Variants in ADD2 observed in about 807,000 individuals in gnomAD.
ADD2 encodes the protein beta-adducin.
Under a neutral mutation model 83.0 loss-of-function variants are expected in ADD2, and 23 were observed. The observed-to-expected ratio is 0.28, with a 90% CI of 0.20 to 0.39. The LOEUF (loss-of-function observed/expected upper bound fraction) is 0.39, where lower values mean the gene tolerates loss of function less well. Among genes scored for constraint, ADD2 ranks in the 10% least tolerant of loss-of-function variants. ADD2 has a pLI of 1.00. For missense variants in ADD2, 758 were observed against 944.9 expected, an observed-to-expected ratio of 0.80 and a Z score of 2.59; for synonymous variants, 375 against 375.4, an observed-to-expected ratio of 1.00 and a Z score of 0.01.
At chr2:70,764,098 T>G (rs981312244) in intron 1 of ADD2, among the ~76,000 whole-genome samples, 16 of 151,550 alleles carry the variant, frequency 1.1e-4, no homozygotes, top group African/African-American at 3.9e-4. Context: ...ATGTTGGTCA[T>G]GCTGGTCTCG....
In ADD2 at chr2:70,662,662, G is replaced by GT. The variant is rs1675583843; in HGVS notation, c.*762dup. Reference sequence around the variant, plus strand: ...TTTTCCTATGCTAAATTTGGTTTTAGTTTTGAAGTGCCTGAGATGCACAAT... The same window carrying GT: ...TTTTCCTATGCTAAATTTGGTTTTAGTTTTTGAAGTGCCTGAGATGCACAAT... On this transcript the variant is annotated 3_prime_UTR_variant, in exon 16 of 16. Coordinates refer to ENST00000264436, the MANE Select transcript of ADD2 (RefSeq NM_001617.4). 6.6e-6 allele frequency: 1 copy of GT among 152,170 alleles called. No homozygotes were observed. The allele number at this position is 152,170 out of a possible 1,614,324, so 9.4% of individuals were successfully genotyped here. A position where few individuals can be genotyped will look rare whatever the true frequency, so the allele number is the denominator to read the frequency against.
chr2:70,679,044 C>T (rs1670326476), intron 10 of ADD2, 83 bp from the exon 11 acceptor site: 2 of 1,468,594 alleles, frequency 1.4e-6, no homozygotes, highest in Non-Finnish European at 1.8e-6. Context: ...ACCTTTCCTT[C>T]CGTCTGCTTA....
At chr2:70,671,377 A>G (rs1669887432) in intron 15 of ADD2, among the ~76,000 whole-genome samples, 1 of 152,186 alleles carries the variant, frequency 6.6e-6, no homozygotes, top group African/African-American at 2.4e-5. Context: ...TCTCATGTAG[A>G]GAAGCCTAAT....
chr2:70,699,016 G>C (rs1440536956), intron 4 of ADD2, among the ~76,000 whole-genome samples: 2 of 152,036 alleles, frequency 1.3e-5, no homozygotes, highest in African/African-American at 4.8e-5. Context: ...CAGATATCCT[G>C]GATGTGTACC....
rs1671316621 is a variant in ADD2, at chr2:70,696,399, G to A, written c.323-3C>T. ...GATAGGCGTCATCATGGAGACATCT[G>A]CAGGGACAGTGCAGTTCTCTCAGGG... On this transcript the variant is annotated splice_region_variant and splice_polypyrimidine_tract_variant and intron_variant, in intron 4 of 15. Coordinates refer to ENST00000264436, the MANE Select transcript of ADD2 (RefSeq NM_001617.4). 6.2e-7 allele frequency: 1 copy of A among 1,614,020 alleles called. No individual in the cohort carries two copies. The highest frequency in any genetic ancestry group is 1.7e-5 in the Admixed American group (1 of 59,996).
intron 1 of ADD2, among the ~76,000 whole-genome samples, chr2:70,755,746 A>G (rs1553383712): frequency 6.6e-6 from 1 of 152,190 alleles, no homozygotes; most frequent in African/African-American, 2.4e-5. Flanking sequence ...GCTGCTATCC[A>G]GGTCAAATTT....
At chr2:70,675,070 A>C in intron 13 of ADD2, 1 of 1,253,648 alleles carries the variant, frequency 8.0e-7, no homozygotes, top group Non-Finnish European at 1.0e-6. Context: ...CCCTGAAATA[A>C]AATCAAAGGA....
At chr2:70,726,918 C>T (rs571887337) in intron 1 of ADD2, among the ~76,000 whole-genome samples, 7 of 152,314 alleles carry the variant, frequency 4.6e-5, no homozygotes, top group Non-Finnish European at 8.8e-5. Context: ...ACTGGATTCT[C>T]CCACTGCTGT....
intron 4 of ADD2, among the ~76,000 whole-genome samples, chr2:70,702,597 A>T (rs936151392): frequency 1.6e-4 from 25 of 152,196 alleles, no homozygotes; most frequent in African/African-American, 5.3e-4. Context: ...CAAAAGCAGA[A>T]CACACAAAGG....
intron 1 of ADD2, among the ~76,000 whole-genome samples, chr2:70,750,127 A>G (rs966349371): frequency 1.2e-4 from 19 of 152,182 alleles, no homozygotes; most frequent in Admixed American, 1.0e-3. Context: ...TCTATTGGCC[A>G]TGGACACTTA....
At chr2:70,700,436 A>G (rs1042906973) in intron 4 of ADD2, among the ~76,000 whole-genome samples, 5 of 152,144 alleles carry the variant, frequency 3.3e-5, no homozygotes, top group Admixed American at 3.3e-4. Flanking sequence ...CAAATTCCTG[A>G]GATAAGGCCA....
chr2:70,714,286 C>T (rs1476637904), intron 1 of ADD2, among the ~76,000 whole-genome samples: 1 of 152,116 alleles, frequency 6.6e-6, no homozygotes, highest in African/African-American at 2.4e-5. Context: ...TGAGTACCCC[C>T]ACCCTACCGC....
chr2:70,684,153 G>A (rs554784719), intron 9 of ADD2, among the ~76,000 whole-genome samples: 2 of 152,222 alleles, frequency 1.3e-5, no homozygotes, highest in African/African-American at 4.8e-5. Context: ...TTCAAGATTT[G>A]AAGCCAGAGG....
chr2:70,764,767 G>A (rs115343337), intron 1 of ADD2, among the ~76,000 whole-genome samples: 1 of 151,722 alleles, frequency 6.6e-6, no homozygotes, highest in Admixed American at 6.6e-5. Context: ...CTGGGTAACA[G>A]AGCAAGATCC....
intron 4 of ADD2, among the ~76,000 whole-genome samples, chr2:70,697,692 G>A (rs564279913): frequency 2.6e-5 from 4 of 152,262 alleles, no homozygotes; most frequent in African/African-American, 9.6e-5. Flanking sequence ...ATCCTGCATC[G>A]AGTGTGCCAT....
At chr2:70,762,986 G>A (rs143625490) in intron 1 of ADD2, among the ~76,000 whole-genome samples, 4,074 of 151,898 alleles carry the variant, frequency 0.027, 269 homozygotes, top group African/African-American at 0.093. Flanking sequence ...GATTACAGGC[G>A]TGAGCCACCA....
In ADD2 at chr2:70,674,614, G is replaced by T. The variant is rs13306098; in HGVS notation, c.1741+64C>A. On this transcript the variant is annotated intron_variant, in intron 14 of 15. Transcript: ENST00000264436. ...GGGGCAGGAAGGTCCTCTCTTGGTA[G>T]TCCTGAGCTCTCCCCTCCACCCTGG... 5.1e-3 allele frequency: 7,842 copies of T among 1,539,380 alleles called. 56 individuals are homozygous for T. The highest frequency in any genetic ancestry group is 0.02 in the East Asian group (899 of 44,398).
chr2:70,761,879 G>C (rs1417388049), intron 1 of ADD2, among the ~76,000 whole-genome samples: 4 of 151,312 alleles, frequency 2.6e-5, no homozygotes, highest in African/African-American at 7.3e-5. Flanking sequence ...CACCATATTA[G>C]CCAGGATGGC....
intron 4 of ADD2, among the ~76,000 whole-genome samples, chr2:70,698,887 T>C (rs1671439684): frequency 6.6e-6 from 1 of 152,092 alleles, no homozygotes; most frequent in East Asian, 1.9e-4. Flanking sequence ...AAGCTAAGAC[T>C]TAAGGGCACA....
Sources: allele counts gnomAD v4.1 joint callset (sites outside exome capture counted in the v4.1 genomes callset), GRCh38; gene constraint gnomAD v4.1.1; transcripts MANE v1.5; gene names NCBI Gene and HGNC (gene_info 2026-07-23, HGNC 2026-07-21).